Variants in TTC6 observed in about 807,000 individuals in gnomAD.
TTC6 encodes the protein tetratricopeptide repeat protein 6.
Under a neutral mutation model 210.4 loss-of-function variants are expected in TTC6, and 172 were observed. That is an observed-to-expected ratio of 0.82 (90% confidence interval 0.72 to 0.93). The LOEUF is 0.93. TTC6 is among the 40% of genes least tolerant of loss of function. The pLI is 0.00. For missense variants in TTC6, 2,414 were observed against 2,318.1 expected, an observed-to-expected ratio of 1.04 and a Z score of -0.85; for synonymous variants, 804 against 819.6, an observed-to-expected ratio of 0.98 and a Z score of 0.32.
At chr14:37,771,459 G>T (rs1045756540) in intron 14 of TTC6, among the ~76,000 whole-genome samples, 1 of 152,078 alleles carries the variant, frequency 6.6e-6, no homozygotes, top group East Asian at 1.9e-4. Flanking sequence ...CGTAGATTTG[G>T]TCTTTTCACA....
chr14:37,817,676 G>A (rs1413749355), intron 26 of TTC6, 25 bp downstream of exon 28: 2 of 1,607,896 alleles, frequency 1.2e-6, no homozygotes, highest in East Asian at 2.2e-5. Context: ...TGATGTCAAA[G>A]TGGAATCAAG....
intron 7 of TTC6, among the ~76,000 whole-genome samples, chr14:37,729,985 C>T (rs17768527): frequency 0.21 from 32,031 of 151,872 alleles, 3,924 homozygotes; most frequent in Middle Eastern, 0.31. Context: ...AAAAGTAGTC[C>T]GAAAGAAAAT....
At chr14:37,609,315 C>T (rs900840300) in intron 2 of TTC6, among the ~76,000 whole-genome samples, 1 of 152,114 alleles carries the variant, frequency 6.6e-6, no homozygotes, top group Non-Finnish European at 1.5e-5. Flanking sequence ...ACTTGGGAGA[C>T]TGAGGCAGGA....
chr14:37,793,723 A>T (rs1566958997), intron 17 of TTC6, among the ~76,000 whole-genome samples: 1 of 152,200 alleles, frequency 6.6e-6, no homozygotes, highest in Non-Finnish European at 1.5e-5. Context: ...GCATGATAGC[A>T]AGGTGTAAGG....
chr14:37,792,407 A>C, exon 17 of TTC6: 1 of 1,504,408 alleles, frequency 6.6e-7, no homozygotes, highest in Non-Finnish European at 8.8e-7. Flanking sequence ...GCGGAAACCT[A>C]TTTTAAGGTA....
At chr14:37,816,489 CT>C (rs1234771841) in intron 25 of TTC6, among the ~76,000 whole-genome samples, 1 of 152,092 alleles carries the variant, frequency 6.6e-6, no homozygotes, top group Non-Finnish European at 1.5e-5. Flanking sequence ...GAGGGATTTC[CT>C]TTTGCCACTC....
chr14:37,739,586 A>G (rs2095912271), intron 10 of TTC6, among the ~76,000 whole-genome samples: 1 of 148,300 alleles, frequency 6.7e-6, no homozygotes, highest in African/African-American at 2.5e-5. Context: ...AAAAAAAAAA[A>G]AAAAGAAAGA....
intron 30 of TTC6, 63 bp from the exon 33 acceptor site, chr14:37,842,092 T>TA (rs1260605505): frequency 2.9e-6 from 4 of 1,383,502 alleles, no homozygotes; most frequent in Non-Finnish European, 2.8e-6. Context: ...TTTTTTTTTG[T>TA]AAAAAAAGAG....
At chr14:37,675,756 T>A (rs986565496) in intron 1 of TTC6, among the ~76,000 whole-genome samples, 1 of 151,904 alleles carries the variant, frequency 6.6e-6, no homozygotes, top group Admixed American at 6.6e-5. Flanking sequence ...CTTTCTTTTT[T>A]TTTTTTTTAT....
chr14:37,652,668 C>T (rs2095715143), intron 1 of TTC6, among the ~76,000 whole-genome samples: 1 of 152,150 alleles, frequency 6.6e-6, no homozygotes, highest in South Asian at 2.1e-4. Flanking sequence ...CTTTTAGTTA[C>T]TTCATCTTAT....
At chr14:37,721,907 T>C (rs2095862738) in intron 6 of TTC6, among the ~76,000 whole-genome samples, 2 of 141,804 alleles carry the variant, frequency 1.4e-5, no homozygotes, top group African/African-American at 5.2e-5. Context: ...TATATACACA[T>C]GTATATATGT....
chr14:37,649,124 G>A (rs1274327686), intron 1 of TTC6, among the ~76,000 whole-genome samples: 1 of 152,078 alleles, frequency 6.6e-6, no homozygotes, highest in Non-Finnish European at 1.5e-5. Context: ...AGTCCACACA[G>A]GTCCCTTCTA....
intron 10 of TTC6, among the ~76,000 whole-genome samples, chr14:37,745,608 T>C (rs2095933614): frequency 6.6e-6 from 1 of 152,194 alleles, no homozygotes; most frequent in Non-Finnish European, 1.5e-5. Flanking sequence ...GTCCATGTCT[T>C]ACTAGGTCCA....
chr14:37,610,203 A>AGT (rs1299956935), intron 2 of TTC6, among the ~76,000 whole-genome samples: 2 of 152,224 alleles, frequency 1.3e-5, no homozygotes, highest in African/African-American at 4.8e-5. Context: ...TGAGTGCATC[A>AGT]GTCTCCAAAG....
At chr14:37,815,158 T>G (rs566857570) in intron 25 of TTC6, among the ~76,000 whole-genome samples, 2 of 152,316 alleles carry the variant, frequency 1.3e-5, no homozygotes, top group South Asian at 4.1e-4. Context: ...CACCTCAAAC[T>G]GCCATTCTCG....
rs756726097 is a variant in TTC6 at position 37,663,094 on chromosome 14, G to A, written c.940-17057G>A. On this transcript the variant is annotated intron_variant, in intron 1 of 30. Transcript: ENST00000553443. ...GCAATGTTTTGTAATTCTCATTGTAGAGCTCTTTCACCTCCCTGGTTAGCT... is the reference window on the plus strand; with the variant it reads ...GCAATGTTTTGTAATTCTCATTGTAAAGCTCTTTCACCTCCCTGGTTAGCT... Among the ~76,000 whole-genome samples the A allele has an allele frequency of 1.3e-4, 20 of 152,026 alleles. 1 individual carries two copies. Among genetic ancestry groups the A allele is most frequent in the Non-Finnish European group, 2.5e-4 (17 of 68,004 alleles).
chr14:37,662,683 CTTG>C (rs2095739830), intron 1 of TTC6, among the ~76,000 whole-genome samples: 1 of 152,044 alleles, frequency 6.6e-6, no homozygotes, highest in Non-Finnish European at 1.5e-5. Context: ...CCCATCGCTT[CTTG>C]TTGTTAGCTT....
At chr14:37,630,907 G>GTTTTTTTTTTTTTT (rs746429138) in intron 1 of TTC6, among the ~76,000 whole-genome samples, 1 of 33,070 alleles carries the variant, frequency 3.0e-5, no homozygotes, top group Non-Finnish European at 5.1e-5. Flanking sequence ...GGCAACCCCT[G>GTTTTTTTTTTTTTT]TTTTTTTTTT....
chr14:37,667,497 C>T (rs1209601599), intron 1 of TTC6, among the ~76,000 whole-genome samples: 1 of 150,508 alleles, frequency 6.6e-6, no homozygotes, highest in Non-Finnish European at 1.5e-5. Context: ...AAGTAACTCT[C>T]CATTACTCAT....
Sources: allele counts gnomAD v4.1 joint callset (sites outside exome capture counted in the v4.1 genomes callset), GRCh38; gene constraint gnomAD v4.1.1; transcripts MANE v1.5; gene names NCBI Gene and HGNC (gene_info 2026-07-23, HGNC 2026-07-21).